Variants in ZKSCAN1 observed in about 807,000 individuals in gnomAD.
ZKSCAN1 encodes the protein zinc finger with KRAB and SCAN domains 1.
In ZKSCAN1, 14 loss-of-function variants were observed where a neutral mutation model predicts 51.6. The ratio of observed to expected loss-of-function variants is 0.27; its 90% confidence interval spans 0.18 to 0.42. ZKSCAN1 has a LOEUF of 0.42. Ranked by LOEUF, ZKSCAN1 falls within the 10% of genes least tolerant of loss-of-function variation. The pLI is 1.00. For missense variants in ZKSCAN1, 531 were observed against 710.0 expected (o/e 0.75, Z 2.86); for synonymous variants, 263 against 261.5 (o/e 1.01, Z -0.06).
chr7:100,022,547 C>T (rs181836675), intron 1 of ZKSCAN1, among the ~76,000 whole-genome samples: 12 of 152,262 alleles, frequency 7.9e-5, no homozygotes, highest in African/African-American at 9.6e-5. Context: ...GTATCCTTTG[C>T]GGATCATCTT....
chr7:100,034,662 C>A lies in ZKSCAN1; in HGVS notation c.*465C>A. ...AAAAGAGGGACAGTGAAAACAAAAACGACATTGGGACATGCTGCTCAAGGT... is the reference window on the plus strand; with the variant it reads ...AAAAGAGGGACAGTGAAAACAAAAAAGACATTGGGACATGCTGCTCAAGGT... On this transcript the variant is annotated 3_prime_UTR_variant, in exon 6 of 6. Transcript: ENST00000324306. The A allele has an allele frequency of 1.6e-6, 1 of 621,502 alleles. No individual in the cohort carries two copies. The highest frequency in any genetic ancestry group is 2.0e-6 in the Non-Finnish European group (1 of 495,932). 38.5% of individuals were successfully genotyped at this position (621,502 alleles called of 1,614,324 possible).
intron 3 of ZKSCAN1, chr7:100,024,908 A>G (rs1231332012): frequency 6.9e-6 from 1 of 145,692 alleles, no homozygotes; most frequent in Non-Finnish European, 1.5e-5. Context: ...AAAAAAAAAA[A>G]AAAAAAAAAA....
At chr7:100,027,854 C>G (rs773523150) in intron 3 of ZKSCAN1, among the ~76,000 whole-genome samples, 1 of 151,366 alleles carries the variant, frequency 6.6e-6, no homozygotes, top group Non-Finnish European at 1.5e-5. Flanking sequence ...ACAGGGCGAC[C>G]TTAGGAAACT....
In ZKSCAN1 at chr7:100,040,471, A is replaced by G; in HGVS notation, c.*6274A>G. The G allele has an allele frequency of 1.0e-6, 1 of 985,472 alleles. No individual in the cohort carries two copies. Among genetic ancestry groups the G allele is most frequent in the Non-Finnish European group, 1.2e-6 (1 of 829,942 alleles). 61.0% of individuals were successfully genotyped at this position (985,472 alleles called of 1,614,324 possible). ...CACTCATTAAGGAGTGAGGCTGAGT[A>G]TTTTAAGATAGAGTGAGATCTGTGA... On this transcript the variant is annotated 3_prime_UTR_variant, in exon 6 of 6. Transcript: ENST00000324306.
At chr7:100,044,326 G>C (rs544757574), downstream of ZKSCAN1, among the ~76,000 whole-genome samples, 3 of 152,138 alleles carry the variant, frequency 2.0e-5, no homozygotes, top group South Asian at 6.2e-4. Context: ...AGTGGTTCCT[G>C]TATTTATTAG....
Position 100,023,762 on chromosome 7 carries a change from CG to C in ZKSCAN1, c.258del (p.Pro87GlnfsTer3), listed in dbSNP as rs1790694882. The C allele has an allele frequency of 6.2e-7, 1 of 1,614,056 alleles. No homozygotes were observed. The highest frequency in any genetic ancestry group is 1.3e-5 in the African/African-American group (1 of 74,906). On this transcript the variant is annotated frameshift_variant, in exon 2 of 6. Transcript: ENST00000324306. LOFTEE classifies it high-confidence loss of function. ...RLKELCHQWLRPEINTKEQIL... is the reference protein window; with the variant it reads ...RLKELCHQWLXPEINTKEQIL... ...GAAGGAACTTTGTCATCAGTGGCTG[CG>C]GCCAGAAATAAACACCAAGGAACAG...
chr7:100,025,444 G>A (rs924710491), intron 3 of ZKSCAN1, among the ~76,000 whole-genome samples: 1 of 152,184 alleles, frequency 6.6e-6, no homozygotes, highest in Admixed American at 6.5e-5. Flanking sequence ...TCAGTTCACA[G>A]TCATATAAAT....
At chr7:100,028,307 G>C (rs370195422) in intron 3 of ZKSCAN1, among the ~76,000 whole-genome samples, 1 of 151,888 alleles carries the variant, frequency 6.6e-6, no homozygotes, top group African/African-American at 2.4e-5. Context: ...AGCCGAGATC[G>C]CGCCATGCAC....
At chr7:100,031,385 C>G (rs991463772) in intron 5 of ZKSCAN1, among the ~76,000 whole-genome samples, 1 of 149,768 alleles carries the variant, frequency 6.7e-6, no homozygotes, top group Non-Finnish European at 1.5e-5. Context: ...TCAAGCAATC[C>G]TCCCACCTCA....
rs1791597693 is a variant in ZKSCAN1, at chr7:100,041,613, G to A, written c.*7416G>A. 1 of 985,360 alleles carries A rather than the reference G, an allele frequency of 1.0e-6. No individual in the cohort carries two copies. Among genetic ancestry groups the A allele is most frequent in the South Asian group, 4.7e-5 (1 of 21,284 alleles). 61.0% of individuals were successfully genotyped at this position (985,360 alleles called of 1,614,324 possible). A position where few individuals can be genotyped will look rare whatever the true frequency, so the allele number is the denominator to read the frequency against. ...AGTGAGGTTGAGGAAGGAAATTGTG[G>A]GGATTTGAAATATTCTCTTTATGTT... is the stretch of plus-strand genomic sequence containing the variant. On this transcript the variant is annotated 3_prime_UTR_variant, in exon 6 of 6. Coordinates refer to ENST00000324306, the MANE Select transcript of ZKSCAN1 (RefSeq NM_003439.4).
At chr7:100,026,109 A>T (rs1292135839) in intron 3 of ZKSCAN1, among the ~76,000 whole-genome samples, 2 of 151,752 alleles carry the variant, frequency 1.3e-5, no homozygotes, top group African/African-American at 4.8e-5. Context: ...AATCCCAGCT[A>T]CTCAGGAGGC....
intron 1 of ZKSCAN1, among the ~76,000 whole-genome samples, chr7:100,023,052 C>T (rs1181415910): frequency 6.6e-6 from 1 of 151,972 alleles, no homozygotes; most frequent in Non-Finnish European, 1.5e-5. Flanking sequence ...TCTTGTCTCC[C>T]AGGTAGGAAG....
chr7:100,022,411 A>G (rs1210309383), intron 1 of ZKSCAN1, among the ~76,000 whole-genome samples: 3 of 152,260 alleles, frequency 2.0e-5, no homozygotes, highest in African/African-American at 7.2e-5. Flanking sequence ...ACCAGTCTAC[A>G]TCACAATGTC....
At chr7:100,024,980 G>A (rs1388078218) in intron 3 of ZKSCAN1, 1 of 146,788 alleles carries the variant, frequency 6.8e-6, no homozygotes, top group Non-Finnish European at 1.5e-5. Context: ...TTTGTTTTTA[G>A]TTATTCTACA....
intron 1 of ZKSCAN1, among the ~76,000 whole-genome samples, chr7:100,016,305 T>A (rs925075959): frequency 2.0e-5 from 3 of 152,086 alleles, no homozygotes; most frequent in African/African-American, 7.2e-5. Context: ...AAATAGGTGA[T>A]TGGGATCTAG....
At chr7:100,021,506 A>G (rs760893150) in intron 1 of ZKSCAN1, among the ~76,000 whole-genome samples, 4 of 152,304 alleles carry the variant, frequency 2.6e-5, no homozygotes, top group Non-Finnish European at 1.5e-5. Flanking sequence ...TTACATAACA[A>G]TGGAACCATT....
Position 100,036,480 on chromosome 7 carries a change from G to A in ZKSCAN1, c.*2283G>A, listed in dbSNP as rs886113728. 2.0e-6 allele frequency: 2 copies of A among 977,742 alleles called. No individual in the cohort carries two copies. Among genetic ancestry groups the A allele is most frequent in the Non-Finnish European group, 2.4e-6 (2 of 822,950 alleles). 60.6% of individuals were successfully genotyped at this position (977,742 alleles called of 1,614,324 possible). On this transcript the variant is annotated 3_prime_UTR_variant, in exon 6 of 6. Transcript: ENST00000324306. Reference sequence around the variant, plus strand: ...GCCTGTAATCCCAGCACTTTGGGAGGCCGAGGTGAGCGGATCACCTGAGGT... The same window carrying A: ...GCCTGTAATCCCAGCACTTTGGGAGACCGAGGTGAGCGGATCACCTGAGGT...
In ZKSCAN1 at chr7:100,040,768, C is replaced by A; in HGVS notation, c.*6571C>A. The A allele has an allele frequency of 1.0e-6, 1 of 985,462 alleles. No individual in the cohort carries two copies. 61.0% of individuals were successfully genotyped at this position (985,462 alleles called of 1,614,324 possible). On this transcript the variant is annotated 3_prime_UTR_variant, in exon 6 of 6. Transcript: ENST00000324306. The stretch of plus-strand genomic sequence containing the variant: ...GTGTGCTGGGGTTGGTACCCGAGCG[C>A]CTTCCCCTCACCTCAACCAGAGAAG...
chr7:100,018,533 C>T lies in ZKSCAN1; in HGVS notation c.-89+2807C>T, dbSNP rs537300534. ...CCTCCCAAGTAGCTGGGACTACAGG[C>T]GCCCGCCACCACACCCAGCTAATTT... On this transcript the variant is annotated intron_variant, in intron 1 of 5. Transcript: ENST00000324306. 1.1e-3 allele frequency among the ~76,000 whole-genome samples: 160 copies of T among 151,972 alleles called. 1 individual carries two copies. Among genetic ancestry groups the T allele is most frequent in the African/African-American group, 3.3e-3 (135 of 41,418 alleles).
Sources: allele counts gnomAD v4.1 joint callset (sites outside exome capture counted in the v4.1 genomes callset), GRCh38; gene constraint gnomAD v4.1.1; transcripts MANE v1.5; gene names NCBI Gene and HGNC (gene_info 2026-07-23, HGNC 2026-07-21).